The following MAN1A2 variants were observed in gnomAD, a reference collection of about 807,000 sequenced individuals.
The protein encoded by MAN1A2 is mannosyl-oligosaccharide 1,2-alpha-mannosidase IB.
A neutral mutation model predicts 75.7 loss-of-function variants in MAN1A2; 26 were observed. The observed-to-expected ratio is 0.34, with a 90% CI of 0.25 to 0.48. MAN1A2 has a LOEUF of 0.48. MAN1A2 is among the 20% of genes least tolerant of loss of function. MAN1A2 has a pLI of 0.99. For synonymous variants in MAN1A2, 247 were observed against 264.6 expected (o/e 0.93, Z 0.65); for missense variants, 562 against 775.5 (o/e 0.72, Z 3.27).
chr1:117,476,363 T>G (rs1041296257), intron 8 of MAN1A2, among the ~76,000 whole-genome samples: 7 of 152,158 alleles, frequency 4.6e-5, no homozygotes, highest in Non-Finnish European at 8.8e-5. Context: ...TTAGTTGAAT[T>G]AGATCCCATT....
intron 6 of MAN1A2, among the ~76,000 whole-genome samples, chr1:117,443,149 G>A (rs1041360721): frequency 6.6e-6 from 1 of 150,936 alleles, no homozygotes; most frequent in Non-Finnish European, 1.5e-5. Flanking sequence ...TAGAATAAAA[G>A]TTAGGAACAT....
intron 1 of MAN1A2, among the ~76,000 whole-genome samples, chr1:117,398,425 GCAC>G (rs1647290537): frequency 6.6e-6 from 1 of 152,318 alleles, no homozygotes; most frequent in African/African-American, 2.4e-5. Context: ...TGTAATCCCA[GCAC>G]TTTGGGAGCC....
chr1:117,492,958 C>T (rs555616039), intron 8 of MAN1A2, among the ~76,000 whole-genome samples, 189 bp from the exon 9 acceptor site: 2 of 152,132 alleles, frequency 1.3e-5, no homozygotes, highest in South Asian at 2.1e-4. Flanking sequence ...ATTGGATACA[C>T]ATATAGAGGA....
intron 6 of MAN1A2, among the ~76,000 whole-genome samples, chr1:117,445,866 G>A (rs1195323456): frequency 1.7e-5 from 2 of 120,160 alleles, no homozygotes; most frequent in East Asian, 2.5e-4. Context: ...GTGTATGTGT[G>A]TGTGTGTCTG....
At chr1:117,395,052 A>G (rs1653863244) in intron 1 of MAN1A2, among the ~76,000 whole-genome samples, 1 of 152,220 alleles carries the variant, frequency 6.6e-6, no homozygotes. Context: ...TTCAAGAGCC[A>G]CAGCGGCTTA....
In MAN1A2 at chr1:117,428,861, G is replaced by T. The variant is rs1372670767; in HGVS notation, c.855+8212G>T. 2.4e-5 allele frequency among the ~76,000 whole-genome samples: 3 copies of T among 126,366 alleles called. No homozygotes were observed. In the Admixed American group the frequency reaches 2.4e-4, roughly 10 times the overall value. The allele number at this position is 126,366 out of a possible 152,430, so 82.9% of individuals were successfully genotyped here. A position where few individuals can be genotyped will look rare whatever the true frequency, so the allele number is the denominator to read the frequency against. ...GGTGTTTCTCACAGAGGGGGATTTG[G>T]CAGGGTCATGGGACAATAGTGGAGG... On this transcript the variant is annotated intron_variant, in intron 5 of 12. Coordinates refer to ENST00000356554, the MANE Select transcript of MAN1A2 (RefSeq NM_006699.5).
chr1:117,514,930 T>C (rs752868448), intron 12 of MAN1A2: 2 of 531,602 alleles, frequency 3.8e-6, no homozygotes, highest in African/African-American at 1.9e-5. Context: ...TGTTTTCTGC[T>C]CACTTACTCC....
intron 1 of MAN1A2, among the ~76,000 whole-genome samples, chr1:117,392,480 G>C (rs1227458469): frequency 2.6e-5 from 4 of 151,696 alleles, no homozygotes; most frequent in Non-Finnish European, 5.9e-5. Flanking sequence ...AGCTGTCCGT[G>C]GTATTTATTT....
At chr1:117,420,018 A>C (rs1648135400) in intron 4 of MAN1A2, among the ~76,000 whole-genome samples, 1 of 152,002 alleles carries the variant, frequency 6.6e-6, no homozygotes, top group South Asian at 2.1e-4. Context: ...ATATTTGTGA[A>C]ATTAGTATTT....
intron 12 of MAN1A2, among the ~76,000 whole-genome samples, chr1:117,516,931 GA>G (rs1313218038): frequency 6.6e-6 from 1 of 152,136 alleles, no homozygotes; most frequent in African/African-American, 2.4e-5. Flanking sequence ...GAACCTACCT[GA>G]GGTGAGGGAA....
intron 8 of MAN1A2, among the ~76,000 whole-genome samples, chr1:117,488,771 C>T (rs1650790902): frequency 6.6e-6 from 1 of 152,028 alleles, no homozygotes; most frequent in African/African-American, 2.4e-5. Flanking sequence ...GGAATATTAG[C>T]AGACATACTG....
chr1:117,438,133 G>A (rs1316326), intron 5 of MAN1A2, among the ~76,000 whole-genome samples: 16,558 of 152,198 alleles, frequency 0.11, 1,017 homozygotes, highest in Non-Finnish European at 0.14. Context: ...GGATATGTTG[G>A]TGGTTGCATG....
chr1:117,377,639 T>C (rs1653196824), intron 1 of MAN1A2, among the ~76,000 whole-genome samples: 2 of 152,184 alleles, frequency 1.3e-5, no homozygotes. Context: ...ATTAGTTAAA[T>C]AAATGATATA....
chr1:117,418,041 CCTT>C (rs1377391671), intron 4 of MAN1A2, among the ~76,000 whole-genome samples: 1 of 152,010 alleles, frequency 6.6e-6, no homozygotes, highest in East Asian at 1.9e-4. Flanking sequence ...GTAAGATCCT[CCTT>C]CTGAAGAATA....
chr1:117,512,324 T>C (rs1651562584), intron 12 of MAN1A2, among the ~76,000 whole-genome samples: 1 of 152,092 alleles, frequency 6.6e-6, no homozygotes, highest in African/African-American at 2.4e-5. Context: ...ACAAAGTTGG[T>C]AACCTAGAAA....
intron 1 of MAN1A2, among the ~76,000 whole-genome samples, chr1:117,399,556 A>G (rs1165730122): frequency 6.6e-6 from 1 of 152,156 alleles, no homozygotes; most frequent in African/African-American, 2.4e-5. Flanking sequence ...TGGAAATGTC[A>G]GAATACCCAT....
chr1:117,465,609 A>G (rs1388462353), intron 7 of MAN1A2, among the ~76,000 whole-genome samples: 2 of 152,168 alleles, frequency 1.3e-5, no homozygotes, highest in Non-Finnish European at 2.9e-5. Flanking sequence ...GTTATTCATC[A>G]AATGTAATGA....
intron 9 of MAN1A2, 146 bp downstream of exon 9, chr1:117,493,408 TTTG>T (rs1408702013): frequency 6.1e-6 from 3 of 494,594 alleles, no homozygotes; most frequent in Non-Finnish European, 7.1e-6. Flanking sequence ...CACTGTAGAG[TTTG>T]TTACTATTTT....
intron 1 of MAN1A2, among the ~76,000 whole-genome samples, chr1:117,388,805 A>G (rs1653625415): frequency 6.6e-6 from 1 of 152,218 alleles, no homozygotes; most frequent in African/African-American, 2.4e-5. Flanking sequence ...CAAAGACTGA[A>G]TGGGTGATGT....
Sources: gnomAD v4.1 joint callset for allele counts (sites outside exome capture counted in the v4.1 genomes callset) on GRCh38, gnomAD v4.1.1 for gene constraint, MANE v1.5 for transcripts, NCBI Gene and HGNC (gene_info 2026-07-23, HGNC 2026-07-21) for gene names.